The following MAP4K4 variants were observed in gnomAD, a reference collection of about 807,000 sequenced individuals.
MAP4K4 encodes the protein HPK/GCK-like kinase HGK.
Under a neutral mutation model 189.6 loss-of-function variants are expected in MAP4K4, and 38 were observed. That is an observed-to-expected ratio of 0.20 (90% CI 0.15 to 0.26). MAP4K4 has a LOEUF of 0.26. Among genes scored for constraint, MAP4K4 ranks in the 10% least tolerant of loss-of-function variants. The probability of loss-of-function intolerance (pLI) is 1.00; values close to 1 mark genes in which losing one functional copy is unlikely to be tolerated. For missense variants in MAP4K4, 1,054 were observed against 1,726.9 expected, an observed-to-expected ratio of 0.61 and a Z score of 6.91; for synonymous variants, 610 against 624.3, an observed-to-expected ratio of 0.98 and a Z score of 0.34.
intron 2 of MAP4K4, among the ~76,000 whole-genome samples, chr2:101,742,372 G>A (rs2063220647): frequency 6.6e-6 from 1 of 152,110 alleles, no homozygotes; most frequent in South Asian, 2.1e-4. Flanking sequence ...CTTAGGACTG[G>A]CGCTGTTTTC....
intron 2 of MAP4K4, among the ~76,000 whole-genome samples, chr2:101,703,113 C>G (rs2039956039): frequency 6.6e-6 from 1 of 152,046 alleles, no homozygotes; most frequent in Admixed American, 6.5e-5. Flanking sequence ...GAGTAGGGGA[C>G]TTGATCCAGA....
At position 101,765,037 on chromosome 2, in the gene MAP4K4, A is replaced by T. The variant is rs75242257; in HGVS notation, c.124-25683A>T. On this transcript the variant is annotated intron_variant, in intron 2 of 32. Transcript: ENST00000324219. ...AATCAGAATTTAAGTAAGCAAGGTAAACTTGAGGATAAAGGAACAAATTAA... is the reference window on the plus strand; with the variant it reads ...AATCAGAATTTAAGTAAGCAAGGTATACTTGAGGATAAAGGAACAAATTAA... 4.5e-3 allele frequency among the ~76,000 whole-genome samples: 678 copies of T among 152,340 alleles called. 5 individuals carry two copies. The highest frequency in any genetic ancestry group is 0.015 in the African/African-American group (638 of 41,562).
chr2:101,717,240 T>G lies in MAP4K4; in HGVS notation c.123+18702T>G, dbSNP rs141133910. Among the ~76,000 whole-genome samples, 998 of 152,310 alleles carry G rather than the reference T, an allele frequency of 6.6e-3. 14 individuals are homozygous for G. The highest frequency in any genetic ancestry group is 0.016 in the Admixed American group (245 of 15,290). On this transcript the variant is annotated intron_variant, in intron 2 of 32. Coordinates refer to ENST00000324219, the Ensembl canonical transcript of MAP4K4. ...GTAGGGCTTGGGCAGGAGGAAGTCA[T>G]GCATACCCAGCTGTCAGCGTGCGGC...
At chr2:101,789,601 A>G (rs893025841) in intron 2 of MAP4K4, among the ~76,000 whole-genome samples, 1 of 152,196 alleles carries the variant, frequency 6.6e-6, no homozygotes, top group Non-Finnish European at 1.5e-5. Context: ...GACTCTCCTC[A>G]GATTTAAAGT....
chr2:101,738,998 A>G (rs4851492), intron 2 of MAP4K4, among the ~76,000 whole-genome samples: 6,202 of 152,200 alleles, frequency 0.041, 332 homozygotes, highest in African/African-American at 0.12. Flanking sequence ...GCTGGCCGTC[A>G]TTATTCCTTG....
intron 2 of MAP4K4, among the ~76,000 whole-genome samples, chr2:101,707,275 C>G (rs1402875455): frequency 6.8e-6 from 1 of 147,066 alleles, no homozygotes; most frequent in Non-Finnish European, 1.5e-5. Flanking sequence ...GTGGCGCCAT[C>G]TTGGCTTACT....
chr2:101,866,660 G>T, intron 19 of MAP4K4, 81 bp downstream of exon 19: 1 of 1,526,322 alleles, frequency 6.6e-7, no homozygotes, highest in South Asian at 1.2e-5. Context: ...TTAATCTGTA[G>T]TTTGCGTGTA....
At chr2:101,791,256 A>T (rs993986009) in intron 3 of MAP4K4, among the ~76,000 whole-genome samples, 21 of 152,162 alleles carry the variant, frequency 1.4e-4, no homozygotes, top group Non-Finnish European at 2.5e-4. Context: ...ATCTGCTAGA[A>T]TGCTGAGCAG....
chr2:101,867,196 C>A lies in MAP4K4; in HGVS notation c.2357-16C>A, dbSNP rs186712608. On this transcript the variant is annotated splice_polypyrimidine_tract_variant and intron_variant, in intron 19 of 32. Coordinates refer to ENST00000324219, the Ensembl canonical transcript of MAP4K4. ...TGATATGTGTCTGTCCATCTTGTCC[C>A]TTTTGAACCCAACAGCATCATCCAA... 11 of 1,555,456 alleles carry A rather than the reference C, an allele frequency of 7.1e-6. No individual in the cohort carries two copies. Among genetic ancestry groups the A allele is most frequent in the East Asian group, 6.8e-5 (3 of 43,964 alleles).
At chr2:101,824,032 A>G (rs372148421) in exon 4 of MAP4K4, 17 of 1,579,408 alleles carry the variant, frequency 1.1e-5, no homozygotes, top group Non-Finnish European at 1.4e-5. Flanking sequence ...AGAGCCCTCC[A>G]GGACATGATG....
At chr2:101,811,604 T>C (rs2095435105) in intron 3 of MAP4K4, among the ~76,000 whole-genome samples, 1 of 152,114 alleles carries the variant, frequency 6.6e-6, no homozygotes, top group South Asian at 2.1e-4. Flanking sequence ...TGTATCTGCA[T>C]TGGTCCATGT....
At chr2:101,701,032 A>C (rs867513704) in intron 2 of MAP4K4, among the ~76,000 whole-genome samples, 33 of 152,220 alleles carry the variant, frequency 2.2e-4, no homozygotes, top group African/African-American at 7.7e-4. Context: ...AACATCCTTT[A>C]GGATGAATAG....
At chr2:101,714,977 T>C (rs2047625381) in intron 2 of MAP4K4, among the ~76,000 whole-genome samples, 1 of 152,190 alleles carries the variant, frequency 6.6e-6, no homozygotes, top group South Asian at 2.1e-4. Flanking sequence ...AATAAGAGGC[T>C]TCAAGACCCA....
At chr2:101,705,238 C>T (rs2041666869) in intron 2 of MAP4K4, among the ~76,000 whole-genome samples, 1 of 152,104 alleles carries the variant, frequency 6.6e-6, no homozygotes, top group African/African-American at 2.4e-5. Context: ...GTGTGCTGGG[C>T]CCTGTTCTGA....
chr2:101,741,202 C>G (rs1248990467), intron 2 of MAP4K4, among the ~76,000 whole-genome samples: 4 of 137,408 alleles, frequency 2.9e-5, no homozygotes, highest in Non-Finnish European at 6.1e-5. Context: ...GAGTCTCGCT[C>G]TGTTGCCCAG....
intron 2 of MAP4K4, among the ~76,000 whole-genome samples, chr2:101,732,877 G>T (rs2059071912): frequency 6.6e-6 from 1 of 152,208 alleles, no homozygotes; most frequent in African/African-American, 2.4e-5. Flanking sequence ...GTGAGCCACC[G>T]CATCCAGCCC....
chr2:101,790,254 A>G (rs558001183), intron 2 of MAP4K4, among the ~76,000 whole-genome samples: 1 of 152,162 alleles, frequency 6.6e-6, no homozygotes, highest in African/African-American at 2.4e-5. Context: ...AAGTCTCTAG[A>G]GGGTTTTTTG....
intron 2 of MAP4K4, among the ~76,000 whole-genome samples, chr2:101,787,572 C>T (rs1435180667): frequency 6.6e-6 from 1 of 152,126 alleles, no homozygotes; most frequent in Admixed American, 6.5e-5. Context: ...AGTATATTCC[C>T]TCTTGGGTGG....
At chr2:101,783,313 T>G (rs2088773479) in intron 2 of MAP4K4, among the ~76,000 whole-genome samples, 1 of 152,146 alleles carries the variant, frequency 6.6e-6, no homozygotes, top group Non-Finnish European at 1.5e-5. Flanking sequence ...AGAATTAGAA[T>G]TTACTTGTTA....
Sources: gnomAD v4.1 joint callset for allele counts (sites outside exome capture counted in the v4.1 genomes callset) on GRCh38, gnomAD v4.1.1 for gene constraint, MANE v1.5 for transcripts, NCBI Gene and HGNC (gene_info 2026-07-23, HGNC 2026-07-21) for gene names.